The following CYP7B1 variants were observed in gnomAD, a reference collection of about 807,000 sequenced individuals.
The protein encoded by CYP7B1 is cytochrome P450 family 7 subfamily B member 1.
CYP7B1 carries 29 observed loss-of-function variants against 42.7 expected under a neutral mutation model. That is an observed-to-expected ratio of 0.68 (90% confidence interval 0.51 to 0.93). The LOEUF is 0.93. CYP7B1 is among the 40% of genes least tolerant of loss of function. The probability of loss-of-function intolerance (pLI) is 0.00; values close to 1 mark genes in which losing one functional copy is unlikely to be tolerated. For synonymous variants in CYP7B1, 235 were observed against 218.2 expected, an observed-to-expected ratio of 1.08 and a Z score of -0.68; for missense variants, 655 against 600.5, an observed-to-expected ratio of 1.09 and a Z score of -0.95.
intron 1 of CYP7B1, among the ~76,000 whole-genome samples, chr8:64,675,442 T>C (rs1806431625): frequency 6.6e-6 from 1 of 150,802 alleles, no homozygotes; most frequent in African/African-American, 2.4e-5. Context: ...AGTTCATGCA[T>C]TATTTTATTA....
chr8:64,736,135 T>C (rs1807483772), intron 1 of CYP7B1, among the ~76,000 whole-genome samples: 1 of 152,156 alleles, frequency 6.6e-6, no homozygotes, highest in Admixed American at 6.5e-5. Flanking sequence ...ATCCCTATTA[T>C]GGAAATAAAC....
intron 1 of CYP7B1, among the ~76,000 whole-genome samples, chr8:64,658,359 C>T (rs909163107): frequency 6.6e-6 from 1 of 151,990 alleles, no homozygotes; most frequent in Non-Finnish European, 1.5e-5. Flanking sequence ...ATTCAGTACA[C>T]TGTAATTTAA....
At chr8:64,733,791 G>A (rs1163952047) in intron 1 of CYP7B1, among the ~76,000 whole-genome samples, 4 of 151,918 alleles carry the variant, frequency 2.6e-5, no homozygotes, top group Admixed American at 2.6e-4. Context: ...GGAAACCTAG[G>A]GAGACTCCAT....
intron 1 of CYP7B1, among the ~76,000 whole-genome samples, chr8:64,716,010 C>A (rs987159904): frequency 2.6e-5 from 4 of 152,074 alleles, no homozygotes; most frequent in African/African-American, 9.7e-5. Flanking sequence ...TTAGTTTATG[C>A]CTGTTTTTTA....
intron 1 of CYP7B1, among the ~76,000 whole-genome samples, chr8:64,751,549 G>A (rs1807725762): frequency 6.6e-6 from 1 of 152,000 alleles, no homozygotes; most frequent in South Asian, 2.1e-4. Context: ...GATGCAATAA[G>A]TACATATATT....
At chr8:64,621,107 TAC>T (rs1027996725) in intron 2 of CYP7B1, among the ~76,000 whole-genome samples, 10 of 152,252 alleles carry the variant, frequency 6.6e-5, no homozygotes, top group African/African-American at 2.4e-4. Flanking sequence ...ATAGTTTTGG[TAC>T]CATAAAGCCC....
intron 1 of CYP7B1, among the ~76,000 whole-genome samples, chr8:64,758,829 G>A (rs1807845944): frequency 6.6e-6 from 1 of 152,160 alleles, no homozygotes; most frequent in Non-Finnish European, 1.5e-5. Flanking sequence ...TAGGATTATT[G>A]TTGTATTTCA....
At chr8:64,769,089 T>C (rs1359773996) in intron 1 of CYP7B1, among the ~76,000 whole-genome samples, 1 of 152,242 alleles carries the variant, frequency 6.6e-6, no homozygotes, top group East Asian at 1.9e-4. Flanking sequence ...AGACAGATTA[T>C]TGTTAAATTA....
At chr8:64,674,285 G>A (rs905405738) in intron 1 of CYP7B1, among the ~76,000 whole-genome samples, 14 of 151,970 alleles carry the variant, frequency 9.2e-5, no homozygotes, top group Non-Finnish European at 1.5e-5. Context: ...TTCTTTTGTC[G>A]CTTTGGTGTT....
At chr8:64,652,392 G>A (rs1286144491) in intron 1 of CYP7B1, among the ~76,000 whole-genome samples, 2 of 151,984 alleles carry the variant, frequency 1.3e-5, no homozygotes, top group African/African-American at 2.4e-5. Context: ...TCACCACATG[G>A]CACACACTCT....
intron 1 of CYP7B1, among the ~76,000 whole-genome samples, chr8:64,641,312 G>C (rs544250813): frequency 6.6e-6 from 1 of 152,236 alleles, no homozygotes; most frequent in African/African-American, 2.4e-5. Flanking sequence ...TCCTAGTCCA[G>C]TTTAATGCCT....
chr8:64,677,334 A>C (rs1440251619), intron 1 of CYP7B1, among the ~76,000 whole-genome samples: 1 of 151,326 alleles, frequency 6.6e-6, no homozygotes, highest in Non-Finnish European at 1.5e-5. Context: ...CTGGAATAGA[A>C]GTTGTCATAG....
At chr8:64,768,805 T>C (rs950773579) in intron 1 of CYP7B1, among the ~76,000 whole-genome samples, 2 of 152,174 alleles carry the variant, frequency 1.3e-5, no homozygotes, top group South Asian at 2.1e-4. Flanking sequence ...GACTTCACCA[T>C]TAAAAATACT....
chr8:64,698,601 C>CAAT (rs769256689), intron 1 of CYP7B1, among the ~76,000 whole-genome samples: 1 of 152,078 alleles, frequency 6.6e-6, no homozygotes, highest in Non-Finnish European at 1.5e-5. Flanking sequence ...ACAACATATT[C>CAAT]AATATGCGAG....
intron 1 of CYP7B1, among the ~76,000 whole-genome samples, chr8:64,794,566 T>C (rs989384467): frequency 2.6e-5 from 4 of 152,188 alleles, no homozygotes; most frequent in South Asian, 2.1e-4. Flanking sequence ...TGTCCTCACA[T>C]GGACAAAGGG....
chr8:64,723,129 C>A (rs1807271300), intron 1 of CYP7B1, among the ~76,000 whole-genome samples: 1 of 151,956 alleles, frequency 6.6e-6, no homozygotes, highest in South Asian at 2.1e-4. Flanking sequence ...ATTTTGAAAA[C>A]CGTTTTGGAA....
In CYP7B1 at chr8:64,655,494, T is replaced by A. The variant is rs150161503; in HGVS notation, c.123-30955A>T. ...AGATACCATCTCACACCAGTCAGAATGGCTAATATTAAAAGGTCAAAAAAT... is the reference window on the plus strand; with the variant it reads ...AGATACCATCTCACACCAGTCAGAAAGGCTAATATTAAAAGGTCAAAAAAT... On this transcript the variant is annotated intron_variant, in intron 1 of 5. Coordinates refer to ENST00000310193, the MANE Select transcript of CYP7B1 (RefSeq NM_004820.5). Among the ~76,000 whole-genome samples, 1,234 of 152,266 alleles carry A rather than the reference T, an allele frequency of 8.1e-3. 38 individuals are homozygous for A. Among genetic ancestry groups the A allele is most frequent in the East Asian group, 0.054 (282 of 5,184 alleles).
intron 1 of CYP7B1, among the ~76,000 whole-genome samples, chr8:64,717,525 G>T (rs1227554956): frequency 1.3e-5 from 2 of 152,062 alleles, no homozygotes; most frequent in East Asian, 3.9e-4. Context: ...AGCCATAACA[G>T]CCCACCATGT....
At chr8:64,732,579 C>T (rs766648142) in intron 1 of CYP7B1, among the ~76,000 whole-genome samples, 3 of 152,032 alleles carry the variant, frequency 2.0e-5, no homozygotes, top group East Asian at 1.9e-4. Flanking sequence ...AAATAAGTTA[C>T]GATGTTGGGG....
Sources: gnomAD v4.1 joint callset for allele counts (sites outside exome capture counted in the v4.1 genomes callset) on GRCh38, gnomAD v4.1.1 for gene constraint, MANE v1.5 for transcripts, NCBI Gene and HGNC (gene_info 2026-07-23, HGNC 2026-07-21) for gene names.